GRIK2: variants seen among roughly 807,000 people sequenced by gnomAD.
GRIK2 encodes glutamate receptor ionotropic, kainate 2.
In GRIK2, 32 loss-of-function variants were observed where a neutral mutation model predicts 100.3. The ratio of observed to expected loss-of-function variants is 0.32; its 90% CI spans 0.24 to 0.43. GRIK2 has a LOEUF of 0.43. GRIK2 is among the 20% of genes least tolerant of loss of function. GRIK2 has a pLI of 1.00. For synonymous variants in GRIK2, 417 were observed against 389.4 expected (o/e 1.07, Z -0.83); for missense variants, 843 against 1,114.9 (o/e 0.76, Z 3.47).
intron 2 of GRIK2, among the ~76,000 whole-genome samples, chr6:101,539,451 A>C (rs1775880454): frequency 6.6e-6 from 1 of 151,778 alleles, no homozygotes; most frequent in Non-Finnish European, 1.5e-5. Flanking sequence ...TACATGATGA[A>C]ATCAGAAAAT....
chr6:101,930,178 C>A (rs1290632461), intron 14 of GRIK2, among the ~76,000 whole-genome samples: 1 of 151,744 alleles, frequency 6.6e-6, no homozygotes, highest in Admixed American at 6.6e-5. Context: ...TCTGTCTCTA[C>A]AAACAGCCCA....
intron 2 of GRIK2, among the ~76,000 whole-genome samples, chr6:101,566,536 C>T (rs1403589757): frequency 6.6e-6 from 1 of 151,406 alleles, no homozygotes; most frequent in Non-Finnish European, 1.5e-5. Context: ...TTTTGAATTT[C>T]AAGAAATTAG....
intron 11 of GRIK2, among the ~76,000 whole-genome samples, chr6:101,873,880 T>A (rs949676077): frequency 4.6e-5 from 7 of 152,206 alleles, no homozygotes; most frequent in African/African-American, 1.7e-4. Context: ...GTCTTTTGGC[T>A]GCATAAATGT....
intron 10 of GRIK2, among the ~76,000 whole-genome samples, chr6:101,846,793 G>A (rs934463417): frequency 1.3e-5 from 2 of 152,000 alleles, no homozygotes; most frequent in African/African-American, 4.8e-5. Flanking sequence ...AATTTTTGAT[G>A]TGTAATTATT....
intron 2 of GRIK2, among the ~76,000 whole-genome samples, chr6:101,401,545 C>T (rs1775306663): frequency 6.6e-6 from 1 of 152,200 alleles, no homozygotes; most frequent in South Asian, 2.1e-4. Context: ...CTGCTGTTTT[C>T]TACGTTAACT....
intron 7 of GRIK2, among the ~76,000 whole-genome samples, chr6:101,695,076 T>G (rs1168225509): frequency 6.6e-6 from 1 of 151,902 alleles, no homozygotes; most frequent in Non-Finnish European, 1.5e-5. Context: ...TTAATACGTT[T>G]GTGCTGCTCT....
intron 2 of GRIK2, among the ~76,000 whole-genome samples, chr6:101,601,673 T>C (rs890392353): frequency 6.6e-6 from 1 of 151,996 alleles, no homozygotes; most frequent in African/African-American, 2.4e-5. Context: ...GTTGTGTGTT[T>C]TCAGGAATTT....
intron 14 of GRIK2, among the ~76,000 whole-genome samples, chr6:101,961,492 G>T (rs532209718): frequency 6.6e-6 from 1 of 152,130 alleles, no homozygotes; most frequent in East Asian, 1.9e-4. Context: ...AGCTGCATCC[G>T]CAGCTGTGGG....
At chr6:101,613,304 G>A (rs1041977745) in intron 2 of GRIK2, among the ~76,000 whole-genome samples, 10 of 151,852 alleles carry the variant, frequency 6.6e-5, no homozygotes, top group Admixed American at 1.3e-4. Flanking sequence ...GCTTTGCTTG[G>A]TCTTTAACTC....
At chr6:101,493,347 T>A (rs1005472817) in intron 2 of GRIK2, among the ~76,000 whole-genome samples, 1 of 151,854 alleles carries the variant, frequency 6.6e-6, no homozygotes, top group Non-Finnish European at 1.5e-5. Context: ...GACAAAAAAA[T>A]TTTAGGAGCA....
chr6:101,626,697 C>T, intron 4 of GRIK2, 60 bp downstream of exon 4: 3 of 1,435,032 alleles, frequency 2.1e-6, no homozygotes, highest in Non-Finnish European at 2.9e-6. Context: ...TTCTGAAGCC[C>T]ATTCCAGGTT....
intron 14 of GRIK2, among the ~76,000 whole-genome samples, chr6:102,032,899 C>T (rs1770072002): frequency 6.6e-6 from 1 of 151,190 alleles, no homozygotes; most frequent in South Asian, 2.1e-4. Context: ...AACTGAGTTT[C>T]ACTGTGGGGT....
chr6:101,494,294 G>T (rs1773312682), intron 2 of GRIK2, among the ~76,000 whole-genome samples: 1 of 151,024 alleles, frequency 6.6e-6, no homozygotes, highest in African/African-American at 2.4e-5. Flanking sequence ...ACTGTTAAAT[G>T]CCCATTTTGA....
chr6:101,681,614 C>G (rs1179159794), intron 5 of GRIK2, among the ~76,000 whole-genome samples: 1 of 152,150 alleles, frequency 6.6e-6, no homozygotes, highest in African/African-American at 2.4e-5. Context: ...TTATTATTGA[C>G]TATAGTCAAC....
chr6:102,066,974 A>G (rs1041557541), intron 16 of GRIK2, among the ~76,000 whole-genome samples: 4 of 151,688 alleles, frequency 2.6e-5, no homozygotes, highest in Non-Finnish European at 5.9e-5. Flanking sequence ...AACTAGATAT[A>G]TCAGGATATG....
At chr6:101,949,747 T>A (rs1791499119) in intron 14 of GRIK2, among the ~76,000 whole-genome samples, 1 of 152,190 alleles carries the variant, frequency 6.6e-6, no homozygotes. Context: ...CTTTATCCAG[T>A]CTATCATTGA....
At chr6:101,635,000 ATAAAAT>A (rs1226038008) in intron 4 of GRIK2, among the ~76,000 whole-genome samples, 1 of 152,100 alleles carries the variant, frequency 6.6e-6, no homozygotes, top group African/African-American at 2.4e-5. Context: ...ATAGGATAAA[ATAAAAT>A]TAAAGTTAAT....
intron 4 of GRIK2, among the ~76,000 whole-genome samples, chr6:101,658,176 G>A (rs761984252): frequency 1.3e-5 from 2 of 152,072 alleles, no homozygotes; most frequent in Non-Finnish European, 2.9e-5. Flanking sequence ...GTCTACATGA[G>A]GTACTTCTCC....
intron 2 of GRIK2, among the ~76,000 whole-genome samples, chr6:101,569,047 C>G (rs977322815): frequency 6.6e-6 from 1 of 151,966 alleles, no homozygotes; most frequent in African/African-American, 2.4e-5. Context: ...CCATAATATT[C>G]ACGTTTGTCC....
Sources: gnomAD v4.1 joint callset for allele counts (sites outside exome capture counted in the v4.1 genomes callset) on GRCh38, gnomAD v4.1.1 for gene constraint, MANE v1.5 for transcripts, NCBI Gene and HGNC (gene_info 2026-07-23, HGNC 2026-07-21) for gene names.